ODAD2: variants seen among roughly 807,000 people sequenced by gnomAD.
ODAD2 encodes outer dynein arm docking complex subunit 2, also known as outer dynein arm-docking complex subunit 2.
A neutral mutation model predicts 106.8 loss-of-function variants in ODAD2; 89 were observed. The ratio of observed to expected loss-of-function variants is 0.83; its 90% CI spans 0.70 to 0.99. The LOEUF (loss-of-function observed/expected upper bound fraction) is 0.99, where lower values mean the gene tolerates loss of function less well. ODAD2 is among the 50% of genes least tolerant of loss of function. ODAD2 has a pLI of 0.00. For synonymous variants in ODAD2, 404 were observed against 436.2 expected, an observed-to-expected ratio of 0.93 and a Z score of 0.92; for missense variants, 1,168 against 1,238.5, an observed-to-expected ratio of 0.94 and a Z score of 0.85.
intron 2 of ODAD2, among the ~76,000 whole-genome samples, chr10:27,994,448 G>A (rs1850427130): frequency 6.6e-6 from 1 of 152,086 alleles, no homozygotes; most frequent in African/African-American, 2.4e-5. Flanking sequence ...GAATATGGAT[G>A]ACCTGGTGTG....
rs768002030 is a variant in ODAD2 at position 27,944,415 on chromosome 10, A to AT, written c.1549dup (p.Ile517AsnfsTer8). ...AGGATTATGACTGATTTCCTTCAGT[A>AT]TTTTTAATGAACCAATCTGTGTGAG... On this transcript the variant is annotated frameshift_variant, in exon 12 of 20. Coordinates refer to ENST00000305242, the MANE Select transcript of ODAD2 (RefSeq NM_018076.5). LOFTEE classifies it high-confidence loss of function. 11 of 1,613,470 alleles carry AT rather than the reference A, an allele frequency of 6.8e-6. No individual in the cohort carries two copies. The highest frequency in any genetic ancestry group is 9.3e-6 in the Non-Finnish European group (11 of 1,179,440).
intron 19 of ODAD2, among the ~76,000 whole-genome samples, chr10:27,839,673 A>G (rs1838168501): frequency 6.6e-6 from 1 of 152,232 alleles, no homozygotes; most frequent in Admixed American, 6.5e-5. Context: ...GCTGTGGTTT[A>G]AACATAAAGT....
chr10:27,955,485 C>T (rs886347153), intron 10 of ODAD2, among the ~76,000 whole-genome samples: 3 of 152,168 alleles, frequency 2.0e-5, no homozygotes, highest in African/African-American at 7.2e-5. Flanking sequence ...TCCTGGCCTG[C>T]AGCTCCCTTC....
At chr10:27,907,876 A>T in intron 16 of ODAD2, 99 bp from the exon 17 acceptor site, 2 of 840,428 alleles carry the variant, frequency 2.4e-6, no homozygotes, top group Non-Finnish European at 3.7e-6. Context: ...TCCTTTTGAT[A>T]TTTTGCTTAG....
At chr10:27,936,913 A>G (rs769370187) in intron 14 of ODAD2, 33 bp from the exon 15 acceptor site, 1 of 1,561,798 alleles carries the variant, frequency 6.4e-7, no homozygotes, top group Non-Finnish European at 8.6e-7. Context: ...GCTGTCAGTC[A>G]TCAAGGAATA....
chr10:27,863,802 A>G (rs1394075384), intron 17 of ODAD2, among the ~76,000 whole-genome samples: 1 of 151,228 alleles, frequency 6.6e-6, no homozygotes, highest in African/African-American at 2.5e-5. Flanking sequence ...CAGATCTGAC[A>G]GCGAGAGAGA....
intron 2 of ODAD2, among the ~76,000 whole-genome samples, chr10:27,991,201 A>T (rs1320401018): frequency 6.6e-6 from 1 of 152,232 alleles, no homozygotes; most frequent in African/African-American, 2.4e-5. Flanking sequence ...ATTGCAAATG[A>T]TAATACAAAG....
chr10:27,836,453 G>C (rs557935170), intron 19 of ODAD2, among the ~76,000 whole-genome samples: 6 of 152,322 alleles, frequency 3.9e-5, no homozygotes, highest in African/African-American at 1.4e-4. Flanking sequence ...ATCAATGAGA[G>C]AGTTTGGGGA....
chr10:27,949,379 G>C (rs1257527424), intron 10 of ODAD2, among the ~76,000 whole-genome samples: 2 of 152,172 alleles, frequency 1.3e-5, no homozygotes, highest in Middle Eastern at 3.2e-3. Flanking sequence ...CAGGGGCATG[G>C]AGCTGTGGAA....
intron 16 of ODAD2, among the ~76,000 whole-genome samples, chr10:27,931,984 C>T (rs146596035): frequency 4.7e-4 from 71 of 151,896 alleles, no homozygotes; most frequent in African/African-American, 1.6e-3. Flanking sequence ...TTAGACTAGC[C>T]CACCTTAAAT....
chr10:27,968,106 T>C (rs1413813977), intron 9 of ODAD2, among the ~76,000 whole-genome samples: 2 of 151,522 alleles, frequency 1.3e-5, no homozygotes, highest in Non-Finnish European at 2.9e-5. Flanking sequence ...TTCAACAAGC[T>C]ATATGAACAT....
intron 17 of ODAD2, among the ~76,000 whole-genome samples, chr10:27,867,921 C>T (rs908328065): frequency 2.0e-5 from 3 of 151,654 alleles, no homozygotes; most frequent in Admixed American, 1.3e-4. Flanking sequence ...TGCACTCCAG[C>T]CTGGGTGACA....
At chr10:27,990,309 G>A (rs1187280340) in intron 2 of ODAD2, among the ~76,000 whole-genome samples, 7 of 151,974 alleles carry the variant, frequency 4.6e-5, no homozygotes, top group Non-Finnish European at 7.4e-5. Flanking sequence ...CACCACACCT[G>A]GCTGCTTATT....
At chr10:27,816,938 C>T (rs866277716) in intron 19 of ODAD2, among the ~76,000 whole-genome samples, 10 of 152,100 alleles carry the variant, frequency 6.6e-5, no homozygotes, top group African/African-American at 9.6e-5. Flanking sequence ...TTAGTAGAGA[C>T]GGGGTTTTGC....
chr10:27,991,993 G>A lies in ODAD2; in HGVS notation c.224+2926C>T, dbSNP rs192873000. ...CTTTGGGTAATTGAGAATATCTCTG[G>A]TTGACATCACTTGTTCTCATAGCAA... On this transcript the variant is annotated intron_variant, in intron 2 of 19. Transcript: ENST00000305242. Among the ~76,000 whole-genome samples the A allele has an allele frequency of 5.1e-4, 77 of 152,292 alleles. 1 individual carries two copies. The highest frequency in any genetic ancestry group is 7.3e-5 in the Non-Finnish European group (5 of 68,034).
intron 19 of ODAD2, among the ~76,000 whole-genome samples, chr10:27,827,286 C>A (rs1837120491): frequency 1.3e-5 from 2 of 151,258 alleles, no homozygotes; most frequent in South Asian, 4.2e-4. Flanking sequence ...AAGGAAATGT[C>A]ATTCACTCTC....
intron 19 of ODAD2, among the ~76,000 whole-genome samples, chr10:27,851,226 T>C (rs1487329510): frequency 1.3e-5 from 2 of 152,136 alleles, no homozygotes; most frequent in South Asian, 4.1e-4. Flanking sequence ...CCAGAGGTCT[T>C]GCCTCAGTAG....
At chr10:27,960,122 T>C (rs1190874232) in intron 10 of ODAD2, among the ~76,000 whole-genome samples, 2 of 151,798 alleles carry the variant, frequency 1.3e-5, no homozygotes, top group Non-Finnish European at 2.9e-5. Flanking sequence ...ATATTAACTG[T>C]TCTCTCCAAT....
At chr10:27,889,891 T>A (rs1056499415) in intron 17 of ODAD2, among the ~76,000 whole-genome samples, 2 of 152,138 alleles carry the variant, frequency 1.3e-5, no homozygotes, top group African/African-American at 4.8e-5. Context: ...ACTACAGTCA[T>A]GGACAAGATG....
Sources: gnomAD v4.1 joint callset for allele counts (sites outside exome capture counted in the v4.1 genomes callset) on GRCh38, gnomAD v4.1.1 for gene constraint, MANE v1.5 for transcripts, NCBI Gene and HGNC (gene_info 2026-07-23, HGNC 2026-07-21) for gene names.